Variants in KCNQ5 observed in about 807,000 individuals in gnomAD.
KCNQ5 encodes potassium voltage-gated channel subfamily Q member 5.
KCNQ5 carries 30 observed loss-of-function variants against 98.2 expected under a neutral mutation model. That is an observed-to-expected ratio of 0.31 (90% CI 0.23 to 0.41). The LOEUF is 0.41. KCNQ5 is among the 10% of genes least tolerant of loss of function. The pLI, the probability that KCNQ5 is intolerant of heterozygous loss-of-function variation, is 1.00. For missense variants in KCNQ5, 835 were observed against 1,182.5 expected (o/e 0.71, Z 4.31); for synonymous variants, 458 against 449.4 (o/e 1.02, Z -0.24).
intron 1 of KCNQ5, among the ~76,000 whole-genome samples, chr6:72,787,385 A>G (rs1773810651): frequency 6.6e-6 from 1 of 152,214 alleles, no homozygotes; most frequent in Non-Finnish European, 1.5e-5. Context: ...AAAGCCTAAA[A>G]TATTTACTAT....
intron 3 of KCNQ5, chr6:73,055,135 GA>G: frequency 1.3e-6 from 1 of 767,628 alleles, no homozygotes; most frequent in African/African-American, 1.7e-5. Context: ...AGCACAGCGA[GA>G]GTGAGTGGAA....
chr6:73,059,080 T>C (rs1772659302), intron 3 of KCNQ5, among the ~76,000 whole-genome samples: 1 of 152,228 alleles, frequency 6.6e-6, no homozygotes, highest in Non-Finnish European at 1.5e-5. Flanking sequence ...CTCAAAGGAA[T>C]GTAACTCATT....
intron 1 of KCNQ5, among the ~76,000 whole-genome samples, chr6:72,786,427 G>GTAAA (rs1024447348): frequency 9.9e-5 from 15 of 152,162 alleles, no homozygotes; most frequent in South Asian, 8.3e-4. Flanking sequence ...AAATAAATAA[G>GTAAA]TAAATAAATA....
chr6:73,145,418 T>G (rs550905408), intron 10 of KCNQ5, among the ~76,000 whole-genome samples: 11 of 152,356 alleles, frequency 7.2e-5, no homozygotes, highest in African/African-American at 2.6e-4. Context: ...ATATAATTCA[T>G]GCTGCTAATG....
At chr6:72,656,202 C>A (rs1478430692) in intron 1 of KCNQ5, among the ~76,000 whole-genome samples, 6 of 152,142 alleles carry the variant, frequency 3.9e-5, no homozygotes, top group Non-Finnish European at 7.4e-5. Context: ...GACGCTCATG[C>A]AGCCAAATTT....
chr6:73,137,370 C>A (rs189310658), intron 10 of KCNQ5, among the ~76,000 whole-genome samples: 1 of 152,124 alleles, frequency 6.6e-6, no homozygotes, highest in African/African-American at 2.4e-5. Context: ...AAATGACAAA[C>A]GAAAGAAAGT....
Position 72,672,169 on chromosome 6 carries a change from G to A in KCNQ5, c.398+49582G>A, listed in dbSNP as rs1354506332. On this transcript the variant is annotated intron_variant, in intron 1 of 13. Coordinates refer to ENST00000370398, the MANE Select transcript of KCNQ5 (RefSeq NM_019842.4). ...TCTACTCTATCACCCTGGCTGGAGTGCAGTGACATGATCTCAGCTCATTGC... is the reference window on the plus strand; with the variant it reads ...TCTACTCTATCACCCTGGCTGGAGTACAGTGACATGATCTCAGCTCATTGC... 2.0e-5 allele frequency among the ~76,000 whole-genome samples: 3 copies of A among 149,518 alleles called. No individual in the cohort carries two copies. In the Middle Eastern group the frequency reaches 0.01, roughly 509 times the overall value.
rs1027848092 is a variant in KCNQ5 at position 73,195,514 on chromosome 6, C to A, written c.*100C>A. ...TCTAAAAAGTTGAAATTGCAAGAAT[C>A]GGGAAGAACATGAAAGGCAGTTTAT... On this transcript the variant is annotated 3_prime_UTR_variant, in exon 14 of 14. Coordinates refer to ENST00000370398, the MANE Select transcript of KCNQ5 (RefSeq NM_019842.4). 2 of 1,429,284 alleles carry A rather than the reference C, an allele frequency of 1.4e-6. No homozygotes were observed. Among genetic ancestry groups the A allele is most frequent in the Non-Finnish European group, 1.9e-6 (2 of 1,062,502 alleles). 88.5% of individuals were successfully genotyped at this position (1,429,284 alleles called of 1,614,324 possible). A position where few individuals can be genotyped will look rare whatever the true frequency, so the allele number is the denominator to read the frequency against.
intron 10 of KCNQ5, among the ~76,000 whole-genome samples, chr6:73,165,869 C>T (rs533002922): frequency 2.0e-5 from 3 of 151,464 alleles, no homozygotes; most frequent in South Asian, 2.1e-4. Flanking sequence ...TGCTTGAACC[C>T]GGGAGGCGGA....
At chr6:72,759,526 A>G (rs1000270577) in intron 1 of KCNQ5, among the ~76,000 whole-genome samples, 5 of 152,178 alleles carry the variant, frequency 3.3e-5, no homozygotes. Flanking sequence ...TATATCTGGC[A>G]GAGGCATCAC....
chr6:73,003,466 A>G (rs923738943), intron 1 of KCNQ5, among the ~76,000 whole-genome samples: 2 of 152,172 alleles, frequency 1.3e-5, no homozygotes, highest in African/African-American at 2.4e-5. Context: ...GTAACAACCA[A>G]TTAGGACACT....
At chr6:73,187,988 AGGTTCACATCTG>A (rs1765444850) in intron 11 of KCNQ5, among the ~76,000 whole-genome samples, 1 of 152,158 alleles carries the variant, frequency 6.6e-6, no homozygotes, top group South Asian at 2.1e-4. Context: ...GGAAGTATGT[AGGTTCACATCTG>A]GGCAGATGCG....
chr6:72,696,046 C>A (rs1768478134), intron 1 of KCNQ5, among the ~76,000 whole-genome samples: 2 of 151,970 alleles, frequency 1.3e-5, no homozygotes, highest in African/African-American at 4.8e-5. Context: ...TAAGAAGGTA[C>A]AAATATCTAG....
intron 1 of KCNQ5, among the ~76,000 whole-genome samples, chr6:72,877,544 A>C (rs970870519): frequency 2.6e-5 from 4 of 152,134 alleles, no homozygotes; most frequent in African/African-American, 9.7e-5. Flanking sequence ...ATGTATCTTT[A>C]TAGTAGAATG....
chr6:73,043,284 G>T (rs1771801308), intron 3 of KCNQ5: 1 of 196,960 alleles, frequency 5.1e-6, no homozygotes, highest in Non-Finnish European at 1.2e-5. Context: ...TGAGGCACTG[G>T]TGTTACAATA....
intron 3 of KCNQ5, among the ~76,000 whole-genome samples, chr6:73,071,086 C>G (rs1044455436): frequency 4.6e-5 from 7 of 151,792 alleles, no homozygotes. Context: ...TTTGTTTTTC[C>G]CACTGTATTT....
chr6:72,824,833 A>T (rs183064598), intron 1 of KCNQ5, among the ~76,000 whole-genome samples: 1 of 151,842 alleles, frequency 6.6e-6, no homozygotes, highest in Non-Finnish European at 1.5e-5. Flanking sequence ...TATACTATAG[A>T]TTATAAAATT....
At chr6:72,838,598 T>C (rs1776619767) in intron 1 of KCNQ5, among the ~76,000 whole-genome samples, 1 of 152,170 alleles carries the variant, frequency 6.6e-6, no homozygotes, top group African/African-American at 2.4e-5. Context: ...CCATTTTAAA[T>C]AGTTGGTATT....
In KCNQ5 at chr6:72,821,289, A is replaced by G. The variant is rs187702473; in HGVS notation, c.399-182619A>G. On this transcript the variant is annotated intron_variant, in intron 1 of 13. Coordinates refer to ENST00000370398, the MANE Select transcript of KCNQ5 (RefSeq NM_019842.4). Reference sequence around the variant, plus strand: ...TGAAATTCCTATTTCATACACTCCAACTGTCCCCTAAGGAGTCATTCTAAA... The same window carrying G: ...TGAAATTCCTATTTCATACACTCCAGCTGTCCCCTAAGGAGTCATTCTAAA... 9.8e-4 allele frequency among the ~76,000 whole-genome samples: 150 copies of G among 152,290 alleles called. 1 individual carries two copies. Among genetic ancestry groups the G allele is most frequent in the Non-Finnish European group, 1.9e-3 (132 of 68,006 alleles).
Sources: gnomAD v4.1 joint callset for allele counts (sites outside exome capture counted in the v4.1 genomes callset) on GRCh38, gnomAD v4.1.1 for gene constraint, MANE v1.5 for transcripts, NCBI Gene and HGNC (gene_info 2026-07-23, HGNC 2026-07-21) for gene names.